Variants in SAXO2 observed in about 807,000 individuals in gnomAD.
The protein encoded by SAXO2 is family with sequence similarity 154, member B.
SAXO2 carries 17 observed loss-of-function variants against 18.7 expected under a neutral mutation model. The ratio of observed to expected loss-of-function variants is 0.91; its 90% CI spans 0.62 to 1.36. SAXO2 has a LOEUF of 1.36. Among genes scored for constraint, SAXO2 ranks in the 40% most tolerant of loss-of-function variants. SAXO2 has a pLI of 0.00. For missense variants in SAXO2, 486 were observed against 562.6 expected (o/e 0.86, Z 1.38); for synonymous variants, 163 against 181.2 (o/e 0.90, Z 0.81).
chr15:82,280,102 G>C (rs2075350367), intron 3 of SAXO2, among the ~76,000 whole-genome samples: 1 of 152,178 alleles, frequency 6.6e-6, no homozygotes, highest in Non-Finnish European at 1.5e-5. Flanking sequence ...TAAAGATACT[G>C]CTAGAATGTT....
chr15:82,281,274 T>C (rs997551976), intron 3 of SAXO2, among the ~76,000 whole-genome samples: 2 of 152,200 alleles, frequency 1.3e-5, no homozygotes, highest in African/African-American at 4.8e-5. Flanking sequence ...CACCAACTTG[T>C]AATGGTGTTA....
chr15:82,264,670 C>T (rs906354999), intron 1 of SAXO2: 6 of 702,212 alleles, frequency 8.5e-6, no homozygotes, highest in Non-Finnish European at 1.6e-5. Context: ...AATTTTACCA[C>T]AGACCAGGAC....
chr15:82,265,597 A>G lies in SAXO2; in HGVS notation c.82A>G (p.Arg28Gly). The part of the protein sequence containing the change: ...GRHHCPRGTT[R>G]IYENSGVFCP... ...ACATCATTGTCCACGTGGAACCACA[A>G]GGATTTATGAAAATTCTGGGGTGTT... The change falls in exon 2 of 4, where the codon AGG becomes GGG. Residue 28 changes from arginine to glycine, a missense_variant. Arg to Gly is a moderately radical substitution (Grantham distance 125). Coordinates refer to ENST00000682753, the MANE Select transcript of SAXO2 (RefSeq NM_001348699.2). 2.1e-6 allele frequency: 3 copies of G among 1,414,222 alleles called. No individual in the cohort carries two copies. The highest frequency in any genetic ancestry group is 3.1e-5 in the South Asian group (2 of 64,744). 87.6% of individuals were successfully genotyped at this position (1,414,222 alleles called of 1,614,324 possible). A position where few individuals can be genotyped will look rare whatever the true frequency, so the allele number is the denominator to read the frequency against.
chr15:82,266,538 C>T (rs2075220254), intron 2 of SAXO2, among the ~76,000 whole-genome samples: 1 of 152,108 alleles, frequency 6.6e-6, no homozygotes. Context: ...TTTTATGCTC[C>T]ATTCCATGGG....
intron 3 of SAXO2, among the ~76,000 whole-genome samples, chr15:82,280,082 TATG>T (rs2075350119): frequency 6.6e-6 from 1 of 152,206 alleles, no homozygotes; most frequent in African/African-American, 2.4e-5. Context: ...TGATAATGAT[TATG>T]ATGTTTTAAA....
chr15:82,282,605 T>A lies in SAXO2; in HGVS notation c.920T>A (p.Leu307Ter), dbSNP rs2075374740. 1.2e-6 allele frequency: 2 copies of A among 1,614,180 alleles called. No homozygotes were observed. The highest frequency in any genetic ancestry group is 1.7e-6 in the Non-Finnish European group (2 of 1,180,030). The change falls in exon 4 of 4, where the codon TTA (leucine) becomes TAA (stop). Residue 307 changes from leucine to a stop codon, truncating the protein, a stop_gained. Transcript: ENST00000682753. LOFTEE classifies it high-confidence loss of function. ...EYVPPTGSML[L>*]NSTSHLDYVP... ...GTGCCTCCTACAGGTAGCATGCTGT[T>A]AAACAGCACAAGCCATCTTGACTAT...
At chr15:82,276,925 T>C (rs2075320324) in intron 3 of SAXO2, among the ~76,000 whole-genome samples, 2 of 152,264 alleles carry the variant, frequency 1.3e-5, no homozygotes, top group African/African-American at 4.8e-5. Flanking sequence ...TGTGGGTAAA[T>C]ATGAAAGAAT....
At chr15:82,276,674 C>T (rs1405578199) in intron 3 of SAXO2, among the ~76,000 whole-genome samples, 4 of 151,856 alleles carry the variant, frequency 2.6e-5, no homozygotes, top group African/African-American at 9.7e-5. Flanking sequence ...AGGATGAAAC[C>T]ATATGCAGAA....
chr15:82,280,417 C>T (rs1306351307), intron 3 of SAXO2, among the ~76,000 whole-genome samples: 1 of 151,808 alleles, frequency 6.6e-6, no homozygotes, highest in East Asian at 1.9e-4. Flanking sequence ...TCTATGATTC[C>T]TTTTAGCTAG....
intron 3 of SAXO2, among the ~76,000 whole-genome samples, chr15:82,280,015 C>T (rs547227412): frequency 6.6e-6 from 1 of 152,258 alleles, no homozygotes; most frequent in Admixed American, 6.5e-5. Context: ...TATTGTTAGA[C>T]ATGGACAGCA....
At chr15:82,280,709 G>T (rs2075355756) in intron 3 of SAXO2, among the ~76,000 whole-genome samples, 1 of 152,092 alleles carries the variant, frequency 6.6e-6, no homozygotes, top group Admixed American at 6.6e-5. Context: ...TTCTTTACAG[G>T]TCTATTTTGA....
chr15:82,282,017 A>C lies in SAXO2; in HGVS notation c.434-102A>C. The C allele has an allele frequency of 3.3e-6, 3 of 902,618 alleles. 1 individual carries two copies. The South Asian group carries it at 5.3e-5, about 16-fold the overall frequency. The allele number at this position is 902,618 out of a possible 1,614,324, so 55.9% of individuals were successfully genotyped here. A position where few individuals can be genotyped will look rare whatever the true frequency, so the allele number is the denominator to read the frequency against. ...ACTATTGTTTAGATTTCTAAAGGAA[A>C]TGGAAAGATGTTTGGCAATGAGAGA... On this transcript the variant is annotated intron_variant, in intron 3 of 3. Coordinates refer to ENST00000682753, the MANE Select transcript of SAXO2 (RefSeq NM_001348699.2).
intron 3 of SAXO2, among the ~76,000 whole-genome samples, chr15:82,273,079 T>C (rs1212292087): frequency 2.6e-5 from 4 of 151,244 alleles, no homozygotes; most frequent in Non-Finnish European, 4.4e-5. Context: ...CTAATTTTTG[T>C]ACTTTTAGTA....
intron 2 of SAXO2, 88 bp from the exon 3 acceptor site, chr15:82,271,512 GAAA>G: frequency 9.1e-7 from 1 of 1,100,364 alleles, no homozygotes; most frequent in East Asian, 2.6e-5. Context: ...CAGTAAAAAA[GAAA>G]AAAAAGCCTT....
In SAXO2 at chr15:82,271,752, T is replaced by G. The variant is rs750134200; in HGVS notation, c.383T>G (p.Leu128Trp). 1 of 1,614,114 alleles carries G rather than the reference T, an allele frequency of 6.2e-7. No homozygotes were observed. Among genetic ancestry groups the G allele is most frequent in the African/African-American group, 1.3e-5 (1 of 75,056 alleles). ...CAGCCTGTGGCAATAGTCCGGCCTT[T>G]GGAGAGACAAGTTAAAAAAGGAAAA... ...KVQPVAIVRP[L>W]ERQVKKGKLD... The change falls in exon 3 of 4, where the codon TTG becomes TGG. Residue 128 changes from leucine (L) to tryptophan (W), a missense_variant. By Grantham distance (61) the Leu-to-Trp change is moderately conservative. Coordinates refer to ENST00000682753, the MANE Select transcript of SAXO2 (RefSeq NM_001348699.2).
chr15:82,279,759 A>T (rs2075347117), intron 3 of SAXO2, among the ~76,000 whole-genome samples: 1 of 152,232 alleles, frequency 6.6e-6, no homozygotes, highest in Non-Finnish European at 1.5e-5. Context: ...AGTACCAGGA[A>T]AAAGAACTAG....
intron 2 of SAXO2, among the ~76,000 whole-genome samples, chr15:82,267,556 T>G (rs190862698): frequency 5.9e-5 from 9 of 152,334 alleles, no homozygotes. Flanking sequence ...AGACATCATA[T>G]TTCTATAATT....
At chr15:82,263,514 A>G in intron 1 of SAXO2, 1 of 689,038 alleles carries the variant, frequency 1.5e-6, no homozygotes, top group Non-Finnish European at 2.6e-6. Flanking sequence ...CTGTAAACAC[A>G]GTCCTCTCCT....
Position 82,262,892 on chromosome 15 carries a change from A to G in SAXO2, c.13A>G (p.Ser5Gly). 1 of 1,601,334 alleles carries G rather than the reference A, an allele frequency of 6.2e-7. No individual in the cohort carries two copies. The highest frequency in any genetic ancestry group is 1.1e-5 in the South Asian group (1 of 88,722). The change falls in exon 1 of 4, where the codon AGT becomes GGT. Residue 5 changes from serine (S) to glycine (G), a missense_variant. Transcript: ENST00000682753. MGAK[S>G]MRSWCLCQIC... ...GGTGGAGGAAAGCATGGGAGCCAAG[A>G]GTATGAGGAGCTGGTGTCTGTGTCA...
Sources: allele counts gnomAD v4.1 joint callset (sites outside exome capture counted in the v4.1 genomes callset), GRCh38; gene constraint gnomAD v4.1.1; transcripts MANE v1.5; gene names NCBI Gene and HGNC (gene_info 2026-07-23, HGNC 2026-07-21).